The following CERS3 variants were observed in gnomAD, a reference collection of about 807,000 sequenced individuals.
CERS3 encodes ceramide synthase 3.
Under a neutral mutation model 50.3 loss-of-function variants are expected in CERS3, and 33 were observed. The ratio of observed to expected loss-of-function variants is 0.66; its 90% CI spans 0.50 to 0.88. The LOEUF (loss-of-function observed/expected upper bound fraction) is 0.88. Ranked by LOEUF, CERS3 falls within the 40% of genes least tolerant of loss-of-function variation. The pLI, the probability that CERS3 is intolerant of heterozygous loss-of-function variation, is 0.00. For synonymous variants in CERS3, 176 were observed against 155.2 expected, an observed-to-expected ratio of 1.13 and a Z score of -0.99; for missense variants, 470 against 460.3, an observed-to-expected ratio of 1.02 and a Z score of -0.19.
intron 11 of CERS3, among the ~76,000 whole-genome samples, chr15:100,414,005 T>G (rs1198136598): frequency 6.6e-6 from 1 of 152,190 alleles, no homozygotes; most frequent in Non-Finnish European, 1.5e-5. Flanking sequence ...AGCCAAATTC[T>G]ACCAGATGTA....
At chr15:100,480,096 T>C in intron 5 of CERS3, 50 bp from the exon 6 acceptor site, 1 of 1,394,924 alleles carries the variant, frequency 7.2e-7, no homozygotes, top group Non-Finnish European at 1.0e-6. Flanking sequence ...TAACTGAGAT[T>C]TGAGGAGAAA....
intron 3 of CERS3, chr15:100,500,121 A>T (rs946940922): frequency 7.2e-5 from 11 of 152,208 alleles, no homozygotes; most frequent in Admixed American, 5.9e-4. Flanking sequence ...ACATAAACTT[A>T]TACTTCAAAA....
chr15:100,408,988 A>T (rs1483167595), intron 11 of CERS3, among the ~76,000 whole-genome samples: 1 of 152,094 alleles, frequency 6.6e-6, no homozygotes, highest in African/African-American at 2.4e-5. Flanking sequence ...GAAAAGCCAG[A>T]CTCTAAGCTT....
At chr15:100,411,295 G>T (rs2031469079) in intron 11 of CERS3, among the ~76,000 whole-genome samples, 1 of 152,062 alleles carries the variant, frequency 6.6e-6, no homozygotes, top group African/African-American at 2.4e-5. Flanking sequence ...CCAAGTAGCT[G>T]GCGTTACAGG....
chr15:100,478,815 G>A (rs986277782), intron 7 of CERS3, among the ~76,000 whole-genome samples: 2 of 151,938 alleles, frequency 1.3e-5, no homozygotes, highest in African/African-American at 4.8e-5. Context: ...TCAGACAGGA[G>A]GATAATAATC....
chr15:100,509,868 C>G (rs1394957808), intron 2 of CERS3, among the ~76,000 whole-genome samples: 1 of 152,068 alleles, frequency 6.6e-6, no homozygotes, highest in African/African-American at 2.4e-5. Flanking sequence ...AAGAGTGATG[C>G]TTCAGCCAAT....
At chr15:100,493,401 A>G (rs1173586228) in intron 3 of CERS3, among the ~76,000 whole-genome samples, 1 of 152,194 alleles carries the variant, frequency 6.6e-6, no homozygotes, top group Non-Finnish European at 1.5e-5. Flanking sequence ...CTGATGAGAA[A>G]TCGATTCCTA....
intron 11 of CERS3, among the ~76,000 whole-genome samples, chr15:100,411,322 C>T (rs917209646): frequency 5.3e-5 from 8 of 152,024 alleles, no homozygotes; most frequent in South Asian, 4.2e-4. Flanking sequence ...CCACCATGCC[C>T]GGCTAATTTT....
chr15:100,469,415 T>C lies in CERS3; in HGVS notation c.808A>G (p.Ile270Val), dbSNP rs114499429. 13 of 1,613,906 alleles carry C rather than the reference T, an allele frequency of 8.1e-6. No homozygotes were observed. Among genetic ancestry groups the C allele is most frequent in the Admixed American group, 3.3e-5 (2 of 59,994 alleles). The change falls in exon 10 of 12, where the codon ATA becomes GTA. Residue 270 changes from isoleucine to valine, a missense_variant. Physicochemically the swap from Ile to Val is conservative, Grantham distance 29. Coordinates refer to ENST00000679737, the MANE Select transcript of CERS3 (RefSeq NM_001378789.1). ...ACAATGAGGCGGCTGATGAAAAATA[T>C]GGTGGAGAAGATGAAAAACAGGGTG... ...CNTLFFIFST[I>V]FFISRLIVFP... is the part of the protein sequence containing the mutation.
chr15:100,439,325 T>A (rs1356399819), intron 11 of CERS3, among the ~76,000 whole-genome samples: 1 of 152,172 alleles, frequency 6.6e-6, no homozygotes, highest in Non-Finnish European at 1.5e-5. Context: ...GCCATGAAAA[T>A]TCATGGAGAC....
At chr15:100,434,298 G>A (rs967543726) in intron 11 of CERS3, among the ~76,000 whole-genome samples, 4 of 152,150 alleles carry the variant, frequency 2.6e-5, no homozygotes, top group South Asian at 4.1e-4. Flanking sequence ...CTTTGCTCAG[G>A]ACTTCCTGGG....
intron 2 of CERS3, among the ~76,000 whole-genome samples, chr15:100,516,067 T>C (rs1419280384): frequency 6.6e-6 from 1 of 152,194 alleles, no homozygotes; most frequent in African/African-American, 2.4e-5. Flanking sequence ...CACCTGGTTC[T>C]GTCTCAGTTT....
intron 5 of CERS3, among the ~76,000 whole-genome samples, chr15:100,480,614 A>G (rs1194645093): frequency 6.6e-6 from 1 of 152,222 alleles, no homozygotes; most frequent in African/African-American, 2.4e-5. Flanking sequence ...AATGGATCTT[A>G]TTTAGATCCT....
Position 100,490,865 on chromosome 15 carries a change from A to G in CERS3, c.240T>C (p.Asn80=), listed in dbSNP as rs1385718724. Residue 80 remains asparagine, a synonymous_variant, in exon 4 of 12, where the codon AAT becomes AAC. Transcript: ENST00000679737. ...GTTTGAAAAAATTCTCTAAGACAGT[A>G]TTTGGTGTAACCTTTCGAACTGTCT... ...IKETVRKVTP[N]TVLENFFKHS... 6.2e-7 allele frequency: 1 copy of G among 1,612,824 alleles called. No individual in the cohort carries two copies. The highest frequency in any genetic ancestry group is 1.3e-5 in the African/African-American group (1 of 75,010).
At chr15:100,416,509 T>C (rs1288499250) in intron 11 of CERS3, among the ~76,000 whole-genome samples, 1 of 152,174 alleles carries the variant, frequency 6.6e-6, no homozygotes, top group South Asian at 2.1e-4. Context: ...GACTGGGTAA[T>C]TTGTAAAGGA....
rs2033297672 is a variant in CERS3, at chr15:100,434,475, T to A, written c.999+21418A>T. On this transcript the variant is annotated intron_variant, in intron 11 of 11. Coordinates refer to ENST00000679737, the MANE Select transcript of CERS3 (RefSeq NM_001378789.1). ...CCCACATGATAAATCAAAATGAAAA[T>A]GTTTGAAAAACTAATTTCTTTTACC... Among the ~76,000 whole-genome samples, 4 of 152,320 alleles carry A rather than the reference T, an allele frequency of 2.6e-5. No homozygotes were observed. The South Asian group carries it at 8.3e-4, about 32-fold the overall frequency.
At chr15:100,458,485 C>T (rs186618124) in intron 10 of CERS3, among the ~76,000 whole-genome samples, 57 of 151,628 alleles carry the variant, frequency 3.8e-4, no homozygotes, top group African/African-American at 1.2e-3. Context: ...ACTTGGGATG[C>T]TGAGGGAAGA....
rs372764377 is a variant in CERS3 at position 100,461,110 on chromosome 15, C to A, written c.846-5064G>T. On this transcript the variant is annotated intron_variant, in intron 10 of 11. Transcript: ENST00000679737. ...CCTTCATTGTGAGAGCAACAGGAAG[C>A]TTGGCTGGTTTTAGAAAGAGGAGTG... Among the ~76,000 whole-genome samples the A allele has an allele frequency of 3.9e-5, 6 of 152,238 alleles. No homozygotes were observed. In the East Asian group the frequency reaches 7.7e-4, roughly 20 times the overall value.
At position 100,439,837 on chromosome 15, in the gene CERS3, G is replaced by T. The variant is rs1050917440; in HGVS notation, c.999+16056C>A. ...AAACTGCAAGGATTATGGCTGTGGG[G>T]GCCTCCACAACTCCTGTCAAACTGC... is the stretch of plus-strand genomic sequence containing the variant. On this transcript the variant is annotated intron_variant, in intron 11 of 11. Coordinates refer to ENST00000679737, the MANE Select transcript of CERS3 (RefSeq NM_001378789.1). Among the ~76,000 whole-genome samples the T allele has an allele frequency of 3.9e-5, 6 of 152,266 alleles. No individual in the cohort carries two copies. The East Asian group carries it at 1.2e-3, about 29-fold the overall frequency.
Sources: allele counts gnomAD v4.1 joint callset (sites outside exome capture counted in the v4.1 genomes callset), GRCh38; gene constraint gnomAD v4.1.1; transcripts MANE v1.5; gene names NCBI Gene and HGNC (gene_info 2026-07-23, HGNC 2026-07-21).